RBFOX1: variants seen among roughly 807,000 people sequenced by gnomAD.
RBFOX1 encodes the protein RNA binding protein fox-1 homolog 1.
In RBFOX1, 8 loss-of-function variants were observed where a neutral mutation model predicts 57.7. The observed-to-expected ratio is 0.14, with a 90% CI of 0.08 to 0.25. The LOEUF (loss-of-function observed/expected upper bound fraction) is 0.25. Ranked by LOEUF, RBFOX1 falls within the 10% of genes least tolerant of loss-of-function variation. The pLI is 1.00. For synonymous variants in RBFOX1, 326 were observed against 222.4 expected (o/e 1.47, Z -4.15); for missense variants, 611 against 548.5 (o/e 1.11, Z -1.14).
intron 3 of RBFOX1, among the ~76,000 whole-genome samples, chr16:5,631,677 C>G (rs535030304): frequency 2.5e-4 from 38 of 152,104 alleles, no homozygotes; most frequent in Non-Finnish European, 4.4e-4. Context: ...AGAACGGAAG[C>G]TACTTGATCA....
chr16:7,093,463 A>T (rs952813136), intron 4 of RBFOX1, among the ~76,000 whole-genome samples: 4 of 152,136 alleles, frequency 2.6e-5, no homozygotes, highest in African/African-American at 9.7e-5. Context: ...TTGCTTAAAG[A>T]TGTTTTTGAA....
intron 14 of RBFOX1, among the ~76,000 whole-genome samples, chr16:7,696,076 A>G (rs535892088): frequency 2.0e-5 from 3 of 152,202 alleles, no homozygotes; most frequent in African/African-American, 7.2e-5. Context: ...TTGTGTCGAG[A>G]GTGCCAACAC....
intron 2 of RBFOX1, among the ~76,000 whole-genome samples, chr16:6,523,076 T>C (rs1368984299): frequency 2.0e-5 from 3 of 152,228 alleles, no homozygotes; most frequent in Non-Finnish European, 4.4e-5. Flanking sequence ...TCATATTTAC[T>C]GCTCTTTAAA....
chr16:5,646,151 T>C (rs916266079), intron 3 of RBFOX1, among the ~76,000 whole-genome samples: 6 of 151,018 alleles, frequency 4.0e-5, no homozygotes, highest in Non-Finnish European at 8.9e-5. Flanking sequence ...TGCCTCAGCC[T>C]CCCAAGTCGC....
intron 3 of RBFOX1, among the ~76,000 whole-genome samples, chr16:6,964,884 C>T (rs773120927): frequency 2.0e-5 from 3 of 152,182 alleles, no homozygotes; most frequent in Admixed American, 6.5e-5. Flanking sequence ...CAAGTCACTC[C>T]TTAACCTCCT....
chr16:7,064,411 T>C (rs999840465), intron 4 of RBFOX1, among the ~76,000 whole-genome samples: 6 of 152,056 alleles, frequency 3.9e-5, no homozygotes, highest in African/African-American at 1.4e-4. Flanking sequence ...TCAGGTGAGC[T>C]GCCTGCCTCA....
intron 2 of RBFOX1, among the ~76,000 whole-genome samples, chr16:6,365,256 A>G (rs753908066): frequency 5.9e-5 from 9 of 151,564 alleles, no homozygotes; most frequent in Non-Finnish European, 1.0e-4. Flanking sequence ...GGACAGATGG[A>G]TGGGGGGATA....
intron 2 of RBFOX1, among the ~76,000 whole-genome samples, chr16:6,338,349 G>T (rs1027187228): frequency 6.6e-6 from 1 of 152,154 alleles, no homozygotes; most frequent in South Asian, 2.1e-4. Flanking sequence ...CAATGTTGAA[G>T]TTTGTTAAGG....
chr16:5,685,141 G>A (rs2050466207), intron 3 of RBFOX1, among the ~76,000 whole-genome samples: 1 of 152,194 alleles, frequency 6.6e-6, no homozygotes, highest in Non-Finnish European at 1.5e-5. Flanking sequence ...AGCAAGATCA[G>A]CAGGAACTGG....
chr16:7,345,175 C>G (rs2096972219), intron 4 of RBFOX1, among the ~76,000 whole-genome samples: 1 of 152,204 alleles, frequency 6.6e-6, no homozygotes, highest in African/African-American at 2.4e-5. Context: ...GTTACCAACA[C>G]ACATTCTCTG....
At chr16:7,189,195 G>A (rs908612648) in intron 4 of RBFOX1, among the ~76,000 whole-genome samples, 1 of 151,960 alleles carries the variant, frequency 6.6e-6, no homozygotes, top group Non-Finnish European at 1.5e-5. Flanking sequence ...GGAGGCCGAC[G>A]TAGGTAGATC....
chr16:7,306,826 T>G (rs1381220799), intron 4 of RBFOX1, among the ~76,000 whole-genome samples: 1 of 152,166 alleles, frequency 6.6e-6, no homozygotes, highest in Non-Finnish European at 1.5e-5. Context: ...ATCGGCTGAT[T>G]AAGAGTGTGA....
chr16:7,006,923 C>T (rs1032807941), intron 3 of RBFOX1, among the ~76,000 whole-genome samples: 1 of 152,204 alleles, frequency 6.6e-6, no homozygotes. Flanking sequence ...GACGCACCGT[C>T]TTGTCTCTTC....
chr16:7,685,716 T>C (rs2075925220), intron 14 of RBFOX1, among the ~76,000 whole-genome samples: 1 of 152,102 alleles, frequency 6.6e-6, no homozygotes, highest in Admixed American at 6.6e-5. Flanking sequence ...CATTTAAAAA[T>C]GTAAGGTTAT....
At chr16:6,799,533 C>T (rs927564509) in intron 3 of RBFOX1, among the ~76,000 whole-genome samples, 2 of 152,006 alleles carry the variant, frequency 1.3e-5, no homozygotes, top group African/African-American at 4.8e-5. Flanking sequence ...ACTATTGTTT[C>T]TGGGTATGTG....
chr16:6,835,627 A>C (rs894813477), intron 3 of RBFOX1, among the ~76,000 whole-genome samples: 2 of 151,690 alleles, frequency 1.3e-5, no homozygotes, highest in Non-Finnish European at 2.9e-5. Flanking sequence ...GTGGTGCACG[A>C]CTGTAGTCCC....
chr16:5,958,185 A>G (rs112227593), intron 4 of RBFOX1, among the ~76,000 whole-genome samples: 1 of 152,204 alleles, frequency 6.6e-6, no homozygotes, highest in Non-Finnish European at 1.5e-5. Context: ...AGCACCCTCA[A>G]TACTTATCAA....
intron 4 of RBFOX1, among the ~76,000 whole-genome samples, chr16:7,450,931 G>A (rs1431467582): frequency 6.6e-6 from 1 of 152,126 alleles, no homozygotes; most frequent in African/African-American, 2.4e-5. Flanking sequence ...TAACTAAAAG[G>A]CCAGCCCAGG....
intron 3 of RBFOX1, among the ~76,000 whole-genome samples, chr16:7,043,575 C>T (rs1450397072): frequency 1.3e-5 from 2 of 152,206 alleles, no homozygotes; most frequent in African/African-American, 2.4e-5. Context: ...AGAAATAAAG[C>T]TACCAATTGA....
Sources: allele counts gnomAD v4.1 joint callset (sites outside exome capture counted in the v4.1 genomes callset), GRCh38; gene constraint gnomAD v4.1.1; transcripts MANE v1.5; gene names NCBI Gene and HGNC (gene_info 2026-07-23, HGNC 2026-07-21).